The following BMPR1B variants were observed in gnomAD, a reference collection of about 807,000 sequenced individuals.
BMPR1B encodes the protein bone morphogenetic protein receptor type 1B.
A neutral mutation model predicts 59.1 loss-of-function variants in BMPR1B; 12 were observed. That is an observed-to-expected ratio of 0.20 (90% CI 0.13 to 0.33). The LOEUF (loss-of-function observed/expected upper bound fraction) is 0.33. Among genes scored for constraint, BMPR1B ranks in the 10% least tolerant of loss-of-function variants. The probability of loss-of-function intolerance (pLI) is 1.00; values close to 1 mark genes in which losing one functional copy is unlikely to be tolerated. For synonymous variants in BMPR1B, 237 were observed against 207.3 expected (o/e 1.14, Z -1.23); for missense variants, 550 against 610.9 (o/e 0.90, Z 1.05).
intron 1 of BMPR1B, among the ~76,000 whole-genome samples, chr4:94,778,362 T>G (rs1722462680): frequency 6.6e-6 from 1 of 152,224 alleles, no homozygotes; most frequent in South Asian, 2.1e-4. Context: ...GTGTTTTACT[T>G]TTCCCTTCAA....
intron 2 of BMPR1B, among the ~76,000 whole-genome samples, chr4:94,992,773 T>TA (rs1258996641): frequency 1.3e-5 from 2 of 152,222 alleles, no homozygotes; most frequent in Non-Finnish European, 2.9e-5. Flanking sequence ...TTCACTGCCC[T>TA]AAAAATCCCA....
chr4:95,026,126 C>CTTTCTTTCTTTCTTTCTT (rs1724378281), intron 3 of BMPR1B, among the ~76,000 whole-genome samples: 22 of 84,882 alleles, frequency 2.6e-4, no homozygotes, highest in African/African-American at 5.7e-4. Flanking sequence ...TTCTTTCTTT[C>CTTTCTTTCTTTCTTTCTT]TTTCTTTCTT....
intron 2 of BMPR1B, among the ~76,000 whole-genome samples, chr4:94,901,114 C>CA (rs1021208701): frequency 6.6e-6 from 1 of 151,914 alleles, no homozygotes; most frequent in African/African-American, 2.4e-5. Context: ...GGTTGAAACT[C>CA]AAACAAGTAT....
At chr4:94,978,072 GC>G (rs1178073858) in intron 2 of BMPR1B, among the ~76,000 whole-genome samples, 2 of 152,098 alleles carry the variant, frequency 1.3e-5, no homozygotes, top group African/African-American at 4.8e-5. Flanking sequence ...AGGCCCATTG[GC>G]TTTCACTAAC....
chr4:94,832,581 A>C (rs1367836258), intron 1 of BMPR1B, among the ~76,000 whole-genome samples: 1 of 152,104 alleles, frequency 6.6e-6, no homozygotes, highest in Non-Finnish European at 1.5e-5. Flanking sequence ...CAGGAATTCA[A>C]GACCAGCTTG....
Position 95,123,919 on chromosome 4 carries a change from CAT to C in BMPR1B, c.446+14_446+15del. 2 of 1,566,616 alleles carry C rather than the reference CAT, an allele frequency of 1.3e-6. No homozygotes were observed. Among genetic ancestry groups the C allele is most frequent in the Non-Finnish European group, 1.8e-6 (2 of 1,139,444 alleles). Reference sequence around the variant, plus strand: ...TTTGTTACTTCCGGTAAGTTTCTAACATGTAGATGCAAAATTTTTAATTTATA... The same window carrying C: ...TTTGTTACTTCCGGTAAGTTTCTAACGTAGATGCAAAATTTTTAATTTATA... On this transcript the variant is annotated intron_variant, in intron 7 of 12. Transcript: ENST00000515059.
chr4:95,112,764 TTC>T (rs1178010301), intron 4 of BMPR1B, among the ~76,000 whole-genome samples: 1 of 152,102 alleles, frequency 6.6e-6, no homozygotes. Flanking sequence ...TCTCTGATGT[TTC>T]TTTAAATTTC....
chr4:94,818,852 C>T (rs1370304335), intron 1 of BMPR1B, among the ~76,000 whole-genome samples: 2 of 152,110 alleles, frequency 1.3e-5, no homozygotes, highest in South Asian at 4.2e-4. Context: ...CTCTTATAGG[C>T]TAGGTGTGAT....
At chr4:94,910,552 C>A (rs1728233775) in intron 2 of BMPR1B, among the ~76,000 whole-genome samples, 1 of 152,012 alleles carries the variant, frequency 6.6e-6, no homozygotes, top group African/African-American at 2.4e-5. Flanking sequence ...TATAATTTGT[C>A]AATGTGTGCT....
intron 2 of BMPR1B, among the ~76,000 whole-genome samples, chr4:94,918,682 TAA>T (rs35354766): frequency 9.5e-5 from 14 of 147,496 alleles, no homozygotes; most frequent in African/African-American, 2.7e-4. Flanking sequence ...AGACACTGTT[TAA>T]AAAAAAAAAA....
intron 3 of BMPR1B, among the ~76,000 whole-genome samples, chr4:95,076,784 TAAAAA>T (rs955547088): frequency 6.6e-6 from 1 of 151,902 alleles, no homozygotes; most frequent in Non-Finnish European, 1.5e-5. Flanking sequence ...GTGGAAACGT[TAAAAA>T]AGAAACACAA....
In BMPR1B at chr4:95,106,630, T is replaced by C. The variant is rs1435714840; in HGVS notation, c.143+2063T>C. On this transcript the variant is annotated intron_variant, in intron 4 of 12. Transcript: ENST00000515059. Reference sequence around the variant, plus strand: ...ACAGATGAAAAGAACCAAGTTCCAATCTGGACATGATACATTTGAGGATTT... The same window carrying C: ...ACAGATGAAAAGAACCAAGTTCCAACCTGGACATGATACATTTGAGGATTT... 3.3e-5 allele frequency among the ~76,000 whole-genome samples: 5 copies of C among 152,104 alleles called. No homozygotes were observed. In the East Asian group the frequency reaches 7.8e-4, roughly 24 times the overall value.
intron 2 of BMPR1B, among the ~76,000 whole-genome samples, chr4:94,951,625 A>G (rs1206522709): frequency 6.6e-6 from 1 of 152,122 alleles, no homozygotes; most frequent in African/African-American, 2.4e-5. Context: ...ATCGTGGTGG[A>G]TAAGGTTTGT....
intron 1 of BMPR1B, among the ~76,000 whole-genome samples, chr4:94,786,071 C>T (rs968680345): frequency 1.3e-5 from 2 of 152,144 alleles, no homozygotes; most frequent in African/African-American, 2.4e-5. Context: ...GATCCCTGCT[C>T]TGTGAAGAAT....
At chr4:95,015,015 G>T (rs528560943) in intron 3 of BMPR1B, among the ~76,000 whole-genome samples, 8 of 152,252 alleles carry the variant, frequency 5.3e-5, no homozygotes, top group African/African-American at 1.9e-4. Flanking sequence ...TTGGGAGGGG[G>T]TGTCTCTAAG....
chr4:95,037,028 A>T (rs1177089980), intron 3 of BMPR1B, among the ~76,000 whole-genome samples: 1 of 152,098 alleles, frequency 6.6e-6, no homozygotes, highest in East Asian at 1.9e-4. Flanking sequence ...GAATGACCTG[A>T]GGTTTTTTCT....
At chr4:95,008,501 C>G (rs2149119901) in intron 3 of BMPR1B, among the ~76,000 whole-genome samples, 1 of 152,230 alleles carries the variant, frequency 6.6e-6, no homozygotes, top group Middle Eastern at 3.4e-3. Context: ...TACTACTCAC[C>G]TCATTCCGTA....
intron 1 of BMPR1B, among the ~76,000 whole-genome samples, chr4:94,828,429 T>A (rs1198330147): frequency 6.6e-6 from 1 of 152,182 alleles, no homozygotes; most frequent in African/African-American, 2.4e-5. Flanking sequence ...CCAATGTAGA[T>A]TTTTCCACAG....
At chr4:95,140,390 A>T (rs1313030184) in intron 10 of BMPR1B, among the ~76,000 whole-genome samples, 3 of 151,716 alleles carry the variant, frequency 2.0e-5, no homozygotes, top group Non-Finnish European at 4.4e-5. Flanking sequence ...CATTCTACAA[A>T]CTCTCCAATT....
Sources: allele counts gnomAD v4.1 joint callset (sites outside exome capture counted in the v4.1 genomes callset), GRCh38; gene constraint gnomAD v4.1.1; transcripts MANE v1.5; gene names NCBI Gene and HGNC (gene_info 2026-07-23, HGNC 2026-07-21).